PRKN: variants seen among roughly 807,000 people sequenced by gnomAD.
PRKN encodes parkin RBR E3 ubiquitin protein ligase.
In PRKN, 56 loss-of-function variants were observed where a neutral mutation model predicts 59.5. That is an observed-to-expected ratio of 0.94 (90% CI 0.76 to 1.18). PRKN has a LOEUF of 1.18. PRKN is among the 50% of genes most tolerant of loss of function. PRKN has a pLI of 0.00. For synonymous variants in PRKN, 250 were observed against 222.1 expected (o/e 1.13, Z -1.12); for missense variants, 657 against 596.4 (o/e 1.10, Z -1.06).
chr6:161,926,957 A>G (rs1484021443), intron 6 of PRKN, among the ~76,000 whole-genome samples: 3 of 152,200 alleles, frequency 2.0e-5, no homozygotes, highest in Admixed American at 6.5e-5. Flanking sequence ...TTAAAAGACA[A>G]TAAGTTACAT....
At chr6:162,152,932 G>T (rs1216175075) in intron 4 of PRKN, among the ~76,000 whole-genome samples, 1 of 152,176 alleles carries the variant, frequency 6.6e-6, no homozygotes, top group Non-Finnish European at 1.5e-5. Context: ...CTCAAAATGT[G>T]TTCCACAAAA....
intron 4 of PRKN, among the ~76,000 whole-genome samples, chr6:162,076,290 A>C (rs1036091518): frequency 4.6e-5 from 7 of 151,842 alleles, no homozygotes; most frequent in African/African-American, 1.7e-4. Flanking sequence ...TTCTTAATCC[A>C]AAAAAAACCA....
chr6:162,448,136 G>A (rs1350191290), intron 1 of PRKN, among the ~76,000 whole-genome samples: 2 of 152,114 alleles, frequency 1.3e-5, no homozygotes, highest in African/African-American at 2.4e-5. Context: ...CCTAAGCTCC[G>A]TGGGATGTTC....
intron 6 of PRKN, among the ~76,000 whole-genome samples, chr6:161,897,273 T>C (rs1453978213): frequency 1.3e-5 from 2 of 152,212 alleles, no homozygotes; most frequent in African/African-American, 2.4e-5. Context: ...AGAATGCAGC[T>C]ACATCACATG....
At chr6:161,439,370 A>C (rs1789082298) in intron 9 of PRKN, among the ~76,000 whole-genome samples, 1 of 152,208 alleles carries the variant, frequency 6.6e-6, no homozygotes, top group South Asian at 2.1e-4. Context: ...GTAATCAGAA[A>C]AGTGCTTTGG....
chr6:162,281,182 C>T (rs1490611704), intron 2 of PRKN, among the ~76,000 whole-genome samples: 3 of 151,930 alleles, frequency 2.0e-5, no homozygotes, highest in Non-Finnish European at 4.4e-5. Context: ...AACCAAACCC[C>T]GCATGTTCTC....
intron 7 of PRKN, among the ~76,000 whole-genome samples, chr6:161,591,833 G>A (rs1048694720): frequency 2.0e-5 from 3 of 151,998 alleles, no homozygotes; most frequent in Non-Finnish European, 2.9e-5. Flanking sequence ...ATTTTTACCC[G>A]GCCCTTTAGA....
chr6:161,709,491 C>T (rs550206445), intron 7 of PRKN, among the ~76,000 whole-genome samples: 14 of 152,266 alleles, frequency 9.2e-5, no homozygotes, highest in African/African-American at 3.4e-4. Flanking sequence ...AAATAATTCA[C>T]GTGGAAATTT....
intron 6 of PRKN, among the ~76,000 whole-genome samples, chr6:161,823,965 G>A (rs1244189195): frequency 1.3e-5 from 2 of 152,184 alleles, no homozygotes; most frequent in African/African-American, 2.4e-5. Context: ...TGTGTCAGGC[G>A]GCCTTGGAGT....
rs983469290 is a variant in PRKN at position 161,463,363 on chromosome 6, C to T, written c.1084-76486G>A. ...GCTTATCCTTACTGATCCTGCCTAA[C>T]TGGCTCTTGAATCATGTTTTCCAGA... On this transcript the variant is annotated intron_variant, in intron 9 of 11. Coordinates refer to ENST00000366898, the MANE Select transcript of PRKN (RefSeq NM_004562.3). This position sits in a 1 kb window ranked among gnomAD's most constrained non-coding sequence, Gnocchi z 4.8. 6.6e-6 allele frequency among the ~76,000 whole-genome samples: 1 copy of T among 152,210 alleles called. No homozygotes were observed. The highest frequency in any genetic ancestry group is 2.1e-4 in the South Asian group (1 of 4,832).
intron 7 of PRKN, among the ~76,000 whole-genome samples, chr6:161,777,672 A>AATAT (rs34611000): frequency 2.1e-5 from 3 of 141,432 alleles, no homozygotes; most frequent in East Asian, 2.0e-4. Flanking sequence ...TATATATGAG[A>AATAT]ATATATATAT....
At chr6:161,358,853 GGT>G (rs1784868046) in intron 11 of PRKN, among the ~76,000 whole-genome samples, 1 of 138,832 alleles carries the variant, frequency 7.2e-6, no homozygotes, top group African/African-American at 2.7e-5. Flanking sequence ...GGAGTGCAGT[GGT>G]GCAATCTCGG....
chr6:162,593,665 G>A (rs1321753909), intron 1 of PRKN, among the ~76,000 whole-genome samples: 3 of 152,142 alleles, frequency 2.0e-5, no homozygotes, highest in African/African-American at 7.2e-5. Flanking sequence ...TGTACCAGGA[G>A]CCAGCGGGCC....
chr6:162,401,491 C>G (rs896207888), intron 2 of PRKN, among the ~76,000 whole-genome samples: 31 of 152,102 alleles, frequency 2.0e-4, no homozygotes, highest in Admixed American at 5.9e-4. Flanking sequence ...GCAAAATCAT[C>G]TAAGAAAAAG....
chr6:161,427,909 A>G (rs1484834012), intron 9 of PRKN, among the ~76,000 whole-genome samples: 1 of 152,146 alleles, frequency 6.6e-6, no homozygotes, highest in African/African-American at 2.4e-5. Context: ...GTGACTCCAG[A>G]CTGAAATCAC....
chr6:162,462,779 T>C (rs995584966), intron 1 of PRKN, among the ~76,000 whole-genome samples: 3 of 152,176 alleles, frequency 2.0e-5, no homozygotes, highest in Admixed American at 2.0e-4. Flanking sequence ...AATGAAAACC[T>C]TACTTAGTGC....
At chr6:162,261,884 G>A (rs1779901649) in intron 3 of PRKN, among the ~76,000 whole-genome samples, 1 of 152,002 alleles carries the variant, frequency 6.6e-6, no homozygotes, top group South Asian at 2.1e-4. Flanking sequence ...CTTCCATCTT[G>A]CAGGCCCCAG....
chr6:162,546,914 C>T (rs1779145001), intron 1 of PRKN, among the ~76,000 whole-genome samples: 1 of 152,100 alleles, frequency 6.6e-6, no homozygotes, highest in South Asian at 2.1e-4. Context: ...CTTTTTTTCT[C>T]ACATACCTTT....
intron 2 of PRKN, among the ~76,000 whole-genome samples, chr6:162,334,185 G>A (rs1381277830): frequency 6.6e-6 from 1 of 152,198 alleles, no homozygotes; most frequent in Non-Finnish European, 1.5e-5. Context: ...TGCTGCTGTA[G>A]AAGCTGCAGC....
Sources: allele counts gnomAD v4.1 joint callset (sites outside exome capture counted in the v4.1 genomes callset), GRCh38; gene constraint gnomAD v4.1.1; non-coding constraint Gnocchi (gnomAD v3.1); transcripts MANE v1.5; gene names NCBI Gene and HGNC (gene_info 2026-07-23, HGNC 2026-07-21).